CCDC194: variants seen among roughly 807,000 people sequenced by gnomAD.
The protein encoded by CCDC194 is coiled-coil domain-containing protein 194.
CCDC194 carries 8 observed loss-of-function variants against 4.9 expected under a neutral mutation model. The observed-to-expected ratio is 1.65, with a 90% CI of 0.97 to 2.97. The LOEUF (loss-of-function observed/expected upper bound fraction) is 2.97. Among genes scored for constraint, CCDC194 ranks in the 30% most tolerant of loss-of-function variants. CCDC194 has a pLI of 0.00. For missense variants in CCDC194, 52 were observed against 43.1 expected (o/e 1.21, Z -0.58); for synonymous variants, 13 against 17.0 (o/e 0.76, Z 0.58).
exon 3 of CCDC194, chr19:17,391,313 G>T: frequency 2.3e-6 from 1 of 430,462 alleles, no homozygotes; most frequent in Non-Finnish European, 4.1e-6. Context: ...CGTAGACTCC[G>T]TGGCCGCCGC....
chr19:17,387,315 G>A (rs912497306), downstream of CCDC194, among the ~76,000 whole-genome samples: 27 of 152,046 alleles, frequency 1.8e-4, 1 homozygote, highest in Admixed American at 1.6e-3. Context: ...GTCCCCCACC[G>A]ATTCCCAGAC....
chr19:17,389,235 T>C (rs995209029), downstream of CCDC194, among the ~76,000 whole-genome samples: 2 of 152,174 alleles, frequency 1.3e-5, no homozygotes, highest in African/African-American at 4.8e-5. Context: ...AGTTGGAGAT[T>C]AATCCACCAA....
downstream of CCDC194, among the ~76,000 whole-genome samples, chr19:17,387,837 T>A (rs1568381092): frequency 1.3e-5 from 2 of 152,204 alleles, no homozygotes; most frequent in Non-Finnish European, 2.9e-5. Context: ...TTGCATAGCG[T>A]TCCACTGTGG....
downstream of CCDC194, among the ~76,000 whole-genome samples, chr19:17,388,193 C>CA (rs2074642429): frequency 2.2e-5 from 2 of 92,112 alleles, no homozygotes; most frequent in Non-Finnish European, 4.1e-5. Context: ...TCTTTTTTTC[C>CA]TTTTTTTTTT....
At chr19:17,387,649 C>A (rs1043709247), downstream of CCDC194, among the ~76,000 whole-genome samples, 1 of 151,798 alleles carries the variant, frequency 6.6e-6, no homozygotes. Flanking sequence ...ACCCGAGAGG[C>A]GGAGGTTGCA....
At position 17,390,714 on chromosome 19, in the gene CCDC194, C is replaced by G; in HGVS notation, c.555-55G>C. 4 of 395,156 alleles carry G rather than the reference C, an allele frequency of 1.0e-5. No individual in the cohort carries two copies. The highest frequency in any genetic ancestry group is 1.8e-5 in the Non-Finnish European group (4 of 223,696). 24.5% of individuals were successfully genotyped at this position (395,156 alleles called of 1,614,324 possible). A position where few individuals can be genotyped will look rare whatever the true frequency, so the allele number is the denominator to read the frequency against. ...CCTCTGGACCCCTGTCCCCAGACAT[C>G]GCCAGCCCTCATCCGCCAGAGCGTC... is the stretch of plus-strand genomic sequence containing the variant. On this transcript the variant is annotated intron_variant, in intron 3 of 3. Transcript: ENST00000636079. The surrounding 1 kb of genome is among the most constrained non-coding windows in gnomAD (Gnocchi z 5.5).
upstream of CCDC194, chr19:17,394,176 T>C (rs952812227): frequency 3.6e-5 from 14 of 390,686 alleles, no homozygotes; most frequent in Non-Finnish European, 4.5e-6. Flanking sequence ...TCCACAGCTC[T>C]GGCCCCAGAC....
intron 1 of CCDC194, chr19:17,392,075 A>G (rs2074656741): frequency 2.2e-6 from 1 of 446,398 alleles, no homozygotes; most frequent in Admixed American, 4.0e-5. Context: ...CCCAGGTCCA[A>G]CGCCACCAAC....
intron 1 of CCDC194, among the ~76,000 whole-genome samples, chr19:17,393,376 CTTTTTTTTTTTTTTTTT>C (rs551933814): frequency 1.2e-4 from 14 of 115,430 alleles, no homozygotes; most frequent in African/African-American, 4.5e-4. Flanking sequence ...GACAGTGAGA[CTTTTTTTTTTTTTTTTT>C]TTTTTTTTTT....
exon 3 of CCDC194, chr19:17,391,342 C>T (rs2074653959): frequency 6.7e-6 from 3 of 448,616 alleles, no homozygotes; most frequent in Non-Finnish European, 3.9e-6. Context: ...GCGCCAGGGC[C>T]TCTGGGGGCG....
intron 1 of CCDC194, chr19:17,392,134 A>C (rs575510831): frequency 3.5e-6 from 1 of 282,808 alleles, no homozygotes; most frequent in Middle Eastern, 1.0e-3. Context: ...GTCAGATTCA[A>C]GTTCCACTTT....
In CCDC194 at chr19:17,391,717, TA is replaced by T. The variant is rs1385095778; in HGVS notation, c.421+32del. On this transcript the variant is annotated intron_variant, in intron 2 of 3. Transcript: ENST00000636079. Reference sequence around the variant, plus strand: ...GATTCACCTAGGCTCCTCCCACTTCTATCCCTGCCCACTCCCTTACACCCCA... The same window carrying T: ...GATTCACCTAGGCTCCTCCCACTTCTTCCCTGCCCACTCCCTTACACCCCA... The T allele has an allele frequency of 2.0e-6, 3 of 1,535,730 alleles. No homozygotes were observed. In the East Asian group the frequency reaches 7.3e-5, roughly 38 times the overall value.
At chr19:17,390,248 G>C (rs2074648960), downstream of CCDC194, among the ~76,000 whole-genome samples, 1 of 152,172 alleles carries the variant, frequency 6.6e-6, no homozygotes, top group Non-Finnish European at 1.5e-5. The surrounding 1 kb of genome is among the most constrained non-coding windows in gnomAD (Gnocchi z 5.5). Flanking sequence ...ATTGTTGTTA[G>C]AGGGGACTTC....
At chr19:17,393,687 G>A (rs2074663499) in intron 1 of CCDC194, 148 bp downstream of exon 1, 2 of 388,062 alleles carry the variant, frequency 5.2e-6, no homozygotes, top group Admixed American at 8.9e-5. Context: ...GGGTTGGAAG[G>A]CATTAGGGCG....
chr19:17,391,467 T>C (rs1251408713), intron 2 of CCDC194, 124 bp from the exon 3 acceptor site: 1 of 628,968 alleles, frequency 1.6e-6, no homozygotes, highest in Non-Finnish European at 2.7e-6. Flanking sequence ...ATTAAATTAG[T>C]GTGTACCATT....
At chr19:17,391,374 A>G (rs2074654158) in intron 2 of CCDC194, 31 bp from the exon 3 acceptor site, 1 of 492,630 alleles carries the variant, frequency 2.0e-6, no homozygotes, top group Non-Finnish European at 3.5e-6. Context: ...GTCAGGCTGG[A>G]GACTCCCGCG....
intron 2 of CCDC194, 125 bp from the exon 3 acceptor site, chr19:17,391,468 G>A (rs543294791): frequency 1.6e-6 from 1 of 628,686 alleles, no homozygotes; most frequent in Admixed American, 3.1e-5. Flanking sequence ...TTAAATTAGT[G>A]TGTACCATTG....
downstream of CCDC194, among the ~76,000 whole-genome samples, chr19:17,390,266 A>G (rs1471411613): frequency 1.3e-5 from 2 of 152,182 alleles, no homozygotes; most frequent in Non-Finnish European, 2.9e-5. This position sits in a 1 kb window ranked among gnomAD's most constrained non-coding sequence, Gnocchi z 5.5. Flanking sequence ...TTCAAATCCC[A>G]GCTAAGCACT....
rs2145736624 is a variant in CCDC194, at chr19:17,390,607, G to A, written c.607C>T (p.Pro203Ser). 2.5e-6 allele frequency: 1 copy of A among 397,918 alleles called. No homozygotes were observed. Among genetic ancestry groups the A allele is most frequent in the East Asian group, 3.6e-5 (1 of 28,028 alleles). 24.6% of individuals were successfully genotyped at this position (397,918 alleles called of 1,614,324 possible). Residue 203 changes from proline to serine, a missense_variant, in exon 4 of 4, where the codon CCC becomes TCC. Physicochemically the swap from Pro to Ser is moderately conservative, Grantham distance 74 (BLOSUM62 -1). Coordinates refer to ENST00000636079, the Ensembl canonical transcript of CCDC194. The surrounding 1 kb of genome is among the most constrained non-coding windows in gnomAD (Gnocchi z 5.5). ...GGCCGGGGTCGGGACCCCGAGCGGG[G>A]ACGCGGCCGGGGCACTCTGCGCTGT... is the stretch of plus-strand genomic sequence containing the variant.
Sources: gnomAD v4.1 joint callset for allele counts (sites outside exome capture counted in the v4.1 genomes callset) on GRCh38, gnomAD v4.1.1 for gene constraint, Gnocchi (gnomAD v3.1) non-coding constraint, MANE v1.5 for transcripts, NCBI Gene and HGNC (gene_info 2026-07-23, HGNC 2026-07-21) for gene names.